Variants in SLC12A7 observed in about 807,000 individuals in gnomAD.
The protein encoded by SLC12A7 is solute carrier family 12 member 7.
A neutral mutation model predicts 120.6 loss-of-function variants in SLC12A7; 100 were observed. The observed-to-expected ratio is 0.83, with a 90% confidence interval of 0.71 to 0.98. The LOEUF (loss-of-function observed/expected upper bound fraction) is 0.98. Ranked by LOEUF, SLC12A7 falls within the 50% of genes least tolerant of loss-of-function variation. SLC12A7 has a pLI of 0.00. For synonymous variants in SLC12A7, 760 were observed against 678.0 expected (o/e 1.12, Z -1.88); for missense variants, 1,373 against 1,548.1 (o/e 0.89, Z 1.90).
chr5:1,088,539 T>C (rs1003155874), intron 4 of SLC12A7, among the ~76,000 whole-genome samples, 179 bp from the exon 5 acceptor site: 1 of 152,172 alleles, frequency 6.6e-6, no homozygotes. Context: ...GCACCAGGCA[T>C]GCGTGTCCTG....
At chr5:1,137,001 A>G in the SLC12A7 span, among the ~76,000 whole-genome samples, 2 of 151,590 alleles carry the variant, frequency 1.3e-5, no homozygotes, top group African/African-American at 4.9e-5. Flanking sequence ...ACACATGTGC[A>G]CACACACCAA....
the SLC12A7 span, among the ~76,000 whole-genome samples, chr5:1,154,390 C>CACACACACACACACACAG: frequency 3.5e-4 from 53 of 151,270 alleles, no homozygotes; most frequent in Non-Finnish European, 4.0e-4. Flanking sequence ...CACACACACA[C>CACACACACACACACACAG]AGAGACACAT....
the SLC12A7 span, among the ~76,000 whole-genome samples, chr5:1,141,129 G>A: frequency 6.6e-6 from 1 of 152,232 alleles, no homozygotes; most frequent in East Asian, 1.9e-4. Context: ...CCCCTGAGCT[G>A]TAGGCGGGCA....
chr5:1,089,266 T>C, intron 3 of SLC12A7, 138 bp from the exon 4 acceptor site: 5 of 889,466 alleles, frequency 5.6e-6, no homozygotes, highest in Non-Finnish European at 8.3e-6. Context: ...CCAGAACAGA[T>C]GGAGGTTCAG....
chr5:1,057,367 G>A (rs1483168386), intron 22 of SLC12A7, 104 bp downstream of exon 22: 21 of 1,234,078 alleles, frequency 1.7e-5, no homozygotes, highest in South Asian at 3.0e-5. Flanking sequence ...GGCCTGCAGG[G>A]TTGCCCCGAA....
chr5:1,062,188 G>A (rs1358381543), intron 20 of SLC12A7, among the ~76,000 whole-genome samples: 1 of 152,128 alleles, frequency 6.6e-6, no homozygotes, highest in African/African-American at 2.4e-5. Context: ...TGCGGCTGGG[G>A]CCATGGGCTC....
intron 20 of SLC12A7, among the ~76,000 whole-genome samples, chr5:1,061,809 A>G (rs555518036): frequency 6.6e-6 from 1 of 152,154 alleles, no homozygotes; most frequent in East Asian, 1.9e-4. Flanking sequence ...GAAAAAAAAA[A>G]AAATTAGCCA....
At chr5:1,136,840 CAT>C in the SLC12A7 span, among the ~76,000 whole-genome samples, 2,491 of 150,610 alleles carry the variant, frequency 0.017, 51 homozygotes, top group African/African-American at 0.034. Context: ...CGCAGGCACA[CAT>C]ATGCTCAAAC....
chr5:1,104,408 G>A (rs1029162198), intron 1 of SLC12A7, among the ~76,000 whole-genome samples: 13 of 152,240 alleles, frequency 8.5e-5, no homozygotes, highest in Non-Finnish European at 1.5e-4. Flanking sequence ...CAGGAACGCT[G>A]GGAGGGCCAG....
rs199828124 is a variant in SLC12A7, at chr5:1,078,789, G to A, written c.1397-31C>T. ...GCCCTCGTCAAGGAAAGGCAGGTCC[G>A]TGGGTGCAGGGTCCTCAGGTACGGG... On this transcript the variant is annotated intron_variant, in intron 10 of 23. Coordinates refer to ENST00000264930, the MANE Select transcript of SLC12A7 (RefSeq NM_006598.3). 5.7e-3 allele frequency: 8,300 copies of A among 1,448,574 alleles called. 86 individuals carry two copies. The highest frequency in any genetic ancestry group is 5.0e-3 in the Non-Finnish European group (5,181 of 1,032,546). The allele number at this position is 1,448,574 out of a possible 1,614,324, so 89.7% of individuals were successfully genotyped here. A position where few individuals can be genotyped will look rare whatever the true frequency, so the allele number is the denominator to read the frequency against.
intron 1 of SLC12A7, 97 bp downstream of exon 1, chr5:1,111,771 C>T (rs1048077625): frequency 4.4e-6 from 5 of 1,137,248 alleles, no homozygotes; most frequent in Non-Finnish European, 5.5e-6. Flanking sequence ...GCCTCCTGTA[C>T]CCCCGGCCCC....
Position 1,051,315 on chromosome 5 carries a change from T to G in SLC12A7, c.*1045A>C, listed in dbSNP as rs2150767881. The G allele has an allele frequency of 6.6e-6, 1 of 152,296 alleles. No individual in the cohort carries two copies. Among genetic ancestry groups the G allele is most frequent in the African/African-American group, 2.4e-5 (1 of 40,838 alleles). The allele number at this position is 152,296 out of a possible 1,614,324, so 9.4% of individuals were successfully genotyped here. Reference sequence around the variant, plus strand: ...CTCCCACGTCGGGTCCGTGTCCTCCTTCCCTGGAGCACCGGGGTGGGGATG... The same window carrying G: ...CTCCCACGTCGGGTCCGTGTCCTCCGTCCCTGGAGCACCGGGGTGGGGATG... On this transcript the variant is annotated 3_prime_UTR_variant, in exon 24 of 24. Transcript: ENST00000264930.
chr5:1,079,124 C>A (rs551131527), intron 10 of SLC12A7, among the ~76,000 whole-genome samples: 2 of 152,096 alleles, frequency 1.3e-5, no homozygotes, highest in Admixed American at 6.5e-5. Context: ...AGCCTGCCGG[C>A]GGCACACCCC....
intron 1 of SLC12A7, among the ~76,000 whole-genome samples, chr5:1,095,016 TGGGGGCGGTAGGAGGCGG>T (rs1740959672): frequency 2.7e-5 from 2 of 75,088 alleles, no homozygotes; most frequent in Non-Finnish European, 4.7e-5. Flanking sequence ...CGGTAGGAGG[TGGGGGCGGTAGGAGGCGG>T]GGGGCCGGTA....
At chr5:1,065,523 C>G (rs755662793) in intron 17 of SLC12A7, 45 bp from the exon 18 acceptor site, 1 of 1,491,784 alleles carries the variant, frequency 6.7e-7, no homozygotes, top group South Asian at 1.3e-5. Flanking sequence ...GAATGGGGTG[C>G]ACAGACCCAC....
the SLC12A7 span, among the ~76,000 whole-genome samples, chr5:1,117,101 G>T: frequency 6.6e-6 from 1 of 152,126 alleles, no homozygotes; most frequent in Admixed American, 6.5e-5. The surrounding 1 kb of genome is among the most constrained non-coding windows in gnomAD (Gnocchi z 4.5). Flanking sequence ...AGCCGCGGAG[G>T]GTCCTGCTCA....
chr5:1,120,849 C>A, the SLC12A7 span, among the ~76,000 whole-genome samples: 1 of 152,202 alleles, frequency 6.6e-6, no homozygotes, highest in Non-Finnish European at 1.5e-5. Context: ...CACACCAGCA[C>A]AGACGGCAGT....
the SLC12A7 span, among the ~76,000 whole-genome samples, chr5:1,135,481 C>T: frequency 7.2e-5 from 11 of 152,188 alleles, no homozygotes; most frequent in African/African-American, 2.7e-4. Context: ...ATGTCACCTG[C>T]GGCCCTCGTC....
chr5:1,052,142 C>T lies in SLC12A7; in HGVS notation c.*218G>A, dbSNP rs1432027619. The T allele has an allele frequency of 1.2e-5, 7 of 579,200 alleles. No individual in the cohort carries two copies. The Admixed American group carries it at 1.9e-4, about 15-fold the overall frequency. 35.9% of individuals were successfully genotyped at this position (579,200 alleles called of 1,614,324 possible). ...CGTCTGCCCTCAGATGCAAGGAAAT[C>T]GTCCAGCCACGCCCTGATTTGCTGA... On this transcript the variant is annotated 3_prime_UTR_variant, in exon 24 of 24. Coordinates refer to ENST00000264930, the MANE Select transcript of SLC12A7 (RefSeq NM_006598.3).
Sources: allele counts gnomAD v4.1 joint callset (sites outside exome capture counted in the v4.1 genomes callset), GRCh38; gene constraint gnomAD v4.1.1; non-coding constraint Gnocchi (gnomAD v3.1); transcripts MANE v1.5; gene names NCBI Gene and HGNC (gene_info 2026-07-23, HGNC 2026-07-21).